Variants in LHFPL2 observed in about 807,000 individuals in gnomAD.
LHFPL2 encodes the protein LHFPL tetraspan subfamily member 2 protein.
In LHFPL2, 7 loss-of-function variants were observed where a neutral mutation model predicts 17.5. The ratio of observed to expected loss-of-function variants is 0.40; its 90% CI spans 0.23 to 0.75. LHFPL2 has a LOEUF of 0.75. Among genes scored for constraint, LHFPL2 ranks in the 30% least tolerant of loss-of-function variants. LHFPL2 has a pLI of 0.37. For synonymous variants in LHFPL2, 134 were observed against 116.2 expected, an observed-to-expected ratio of 1.15 and a Z score of -0.99; for missense variants, 241 against 294.8, an observed-to-expected ratio of 0.82 and a Z score of 1.34.
chr5:78,543,114 G>A (rs968960086), intron 3 of LHFPL2, among the ~76,000 whole-genome samples: 1 of 152,140 alleles, frequency 6.6e-6, no homozygotes, highest in African/African-American at 2.4e-5. Context: ...AATAAAAGAT[G>A]GTGGGGGGCT....
chr5:78,523,737 G>A (rs762862325), intron 3 of LHFPL2, among the ~76,000 whole-genome samples: 3 of 152,148 alleles, frequency 2.0e-5, no homozygotes, highest in South Asian at 2.1e-4. Context: ...CAGTCTTGCC[G>A]TGGCCCGAGA....
chr5:78,613,420 C>G (rs1159877735), intron 2 of LHFPL2, among the ~76,000 whole-genome samples: 2 of 152,076 alleles, frequency 1.3e-5, no homozygotes, highest in East Asian at 1.9e-4. Context: ...GCTTTGCCAC[C>G]GACTAGTAGA....
chr5:78,499,755 G>A (rs1238049690), intron 4 of LHFPL2, among the ~76,000 whole-genome samples: 1 of 152,176 alleles, frequency 6.6e-6, no homozygotes, highest in Non-Finnish European at 1.5e-5. Context: ...TGTCAAGCAG[G>A]TTGACTTGCT....
At chr5:78,548,209 G>C (rs540937810) in intron 3 of LHFPL2, among the ~76,000 whole-genome samples, 1 of 152,172 alleles carries the variant, frequency 6.6e-6, no homozygotes, top group Non-Finnish European at 1.5e-5. Flanking sequence ...TGGATGTGGC[G>C]ATGCAGAGGC....
At chr5:78,556,183 C>T (rs1331762583) in intron 3 of LHFPL2, among the ~76,000 whole-genome samples, 2 of 152,146 alleles carry the variant, frequency 1.3e-5, no homozygotes, top group East Asian at 1.9e-4. Flanking sequence ...TCCCCTCAAA[C>T]GTAGGACACT....
intron 3 of LHFPL2, among the ~76,000 whole-genome samples, chr5:78,518,595 C>T (rs1755356630): frequency 6.6e-6 from 1 of 152,196 alleles, no homozygotes; most frequent in African/African-American, 2.4e-5. Flanking sequence ...CTTTTGAATA[C>T]AGAACGATCC....
chr5:78,635,821 AAAC>A lies in LHFPL2; in HGVS notation c.-349-3456_-349-3454del, dbSNP rs535340966. 1.2e-4 allele frequency among the ~76,000 whole-genome samples: 19 copies of A among 152,180 alleles called. No individual in the cohort carries two copies. The East Asian group carries it at 3.3e-3, about 26-fold the overall frequency. On this transcript the variant is annotated intron_variant, in intron 1 of 4. Transcript: ENST00000380345. ...CCGTCTCAAAAACAAACAAACAAAC[AAAC>A]AACAACAAAAAACAACCAACCAACC...
intron 3 of LHFPL2, among the ~76,000 whole-genome samples, chr5:78,537,384 G>A (rs1275413612): frequency 2.0e-5 from 3 of 151,994 alleles, no homozygotes; most frequent in East Asian, 1.9e-4. Context: ...ATGGTTATTC[G>A]TGGGAAAAAA....
At chr5:78,501,819 T>C (rs1353568881) in intron 4 of LHFPL2, among the ~76,000 whole-genome samples, 1 of 152,218 alleles carries the variant, frequency 6.6e-6, no homozygotes, top group African/African-American at 2.4e-5. Flanking sequence ...GATCAGGAAC[T>C]AGAAGTCAAA....
At chr5:78,600,000 TCTCA>T (rs1449636503) in intron 2 of LHFPL2, among the ~76,000 whole-genome samples, 1 of 152,090 alleles carries the variant, frequency 6.6e-6, no homozygotes, top group African/African-American at 2.4e-5. Context: ...GCAACTAACC[TCTCA>T]CTCAGATTAA....
chr5:78,613,475 C>G (rs908878864), intron 2 of LHFPL2, among the ~76,000 whole-genome samples: 1 of 152,158 alleles, frequency 6.6e-6, no homozygotes. Context: ...ACACAAGTCA[C>G]TTATACTGAG....
chr5:78,585,490 G>A (rs1458760622), intron 2 of LHFPL2, among the ~76,000 whole-genome samples: 1 of 152,164 alleles, frequency 6.6e-6, no homozygotes, highest in Non-Finnish European at 1.5e-5. Context: ...TGCACCCACT[G>A]ACCTGCGCCC....
chr5:78,543,211 C>T (rs903570332), intron 3 of LHFPL2, among the ~76,000 whole-genome samples: 3 of 152,174 alleles, frequency 2.0e-5, no homozygotes, highest in South Asian at 2.1e-4. Flanking sequence ...CCTCCTCACC[C>T]GGCATCTATA....
chr5:78,641,324 G>A (rs554108187), intron 1 of LHFPL2, among the ~76,000 whole-genome samples: 1 of 152,318 alleles, frequency 6.6e-6, no homozygotes, highest in African/African-American at 2.4e-5. Flanking sequence ...GCAGTCAAAG[G>A]CCAGACAACC....
chr5:78,574,616 G>A (rs1757082597), intron 2 of LHFPL2, among the ~76,000 whole-genome samples: 1 of 152,212 alleles, frequency 6.6e-6, no homozygotes, highest in African/African-American at 2.4e-5. Flanking sequence ...AAGGGAAAAC[G>A]GTTTTAACCA....
intron 3 of LHFPL2, 97 bp from the exon 4 acceptor site, chr5:78,510,495 A>C: frequency 4.8e-6 from 2 of 415,888 alleles, no homozygotes; most frequent in Non-Finnish European, 8.6e-6. Context: ...TGCCCGCAGA[A>C]CCCTGCCAGC....
intron 4 of LHFPL2, among the ~76,000 whole-genome samples, chr5:78,500,707 T>G (rs1754747734): frequency 6.6e-6 from 1 of 152,112 alleles, no homozygotes; most frequent in African/African-American, 2.4e-5. Flanking sequence ...GAATCAAGAA[T>G]TTTTGCCCAA....
intron 3 of LHFPL2, among the ~76,000 whole-genome samples, chr5:78,516,981 T>C (rs1358377816): frequency 6.6e-6 from 1 of 152,224 alleles, no homozygotes; most frequent in Non-Finnish European, 1.5e-5. Flanking sequence ...TTCAGAAAAC[T>C]GCATGGTTGG....
chr5:78,621,547 C>T (rs1184436818), intron 2 of LHFPL2, among the ~76,000 whole-genome samples: 2 of 152,266 alleles, frequency 1.3e-5, no homozygotes, highest in South Asian at 2.1e-4. Context: ...CAGAAAACAC[C>T]ATTTAGAAAC....
Sources: allele counts gnomAD v4.1 joint callset (sites outside exome capture counted in the v4.1 genomes callset), GRCh38; gene constraint gnomAD v4.1.1; transcripts MANE v1.5; gene names NCBI Gene and HGNC (gene_info 2026-07-23, HGNC 2026-07-21).